The following EXPH5 variants were observed in gnomAD, a reference collection of about 807,000 sequenced individuals.
The protein encoded by EXPH5 is exophilin 5, also known as exophilin-5.
Under a neutral mutation model 41.1 loss-of-function variants are expected in EXPH5, and 42 were observed. The ratio of observed to expected loss-of-function variants is 1.02; its 90% CI spans 0.80 to 1.32. EXPH5 has a LOEUF of 1.32. Ranked by LOEUF, EXPH5 falls within the 40% of genes most tolerant of loss-of-function variation. EXPH5 has a pLI of 0.00. For missense variants in EXPH5, 2,298 were observed against 2,314.5 expected, an observed-to-expected ratio of 0.99 and a Z score of 0.15; for synonymous variants, 798 against 833.5, an observed-to-expected ratio of 0.96 and a Z score of 0.73.
intron 4 of EXPH5, among the ~76,000 whole-genome samples, chr11:108,524,015 G>C (rs1299590796): frequency 1.3e-5 from 2 of 152,172 alleles, no homozygotes; most frequent in African/African-American, 4.8e-5. Context: ...CTCTACATAG[G>C]TTCCAATCCT....
At chr11:108,567,638 T>G (rs1268937263) in intron 1 of EXPH5, among the ~76,000 whole-genome samples, 1 of 152,166 alleles carries the variant, frequency 6.6e-6, no homozygotes, top group Non-Finnish European at 1.5e-5. Context: ...CATACAAACA[T>G]TAGGCCTTCA....
In EXPH5 at chr11:108,513,503, G is replaced by C. The variant is rs1358059881; in HGVS notation, c.2004C>G (p.Ser668Arg). Residue 668 changes from serine (S) to arginine (R), a missense_variant, in exon 6 of 6, where the codon AGC becomes AGG. Physicochemically the swap from Ser to Arg is moderately radical, Grantham distance 110. Transcript: ENST00000265843. ...PNKPASHPMR[S>R]HTEVTVTSSN... ...TGCTGGTCACAGTGACTTCTGTATG[G>C]CTTCTCATTGGATGAGAGGCAGGCT... The C allele has an allele frequency of 1.2e-6, 2 of 1,614,030 alleles. No individual in the cohort carries two copies. The highest frequency in any genetic ancestry group is 2.7e-5 in the African/African-American group (2 of 74,928).
At position 108,555,676 on chromosome 11, in the gene EXPH5, G is replaced by A. The variant is rs545391747; in HGVS notation, c.120-13864C>T. 1.4e-3 allele frequency among the ~76,000 whole-genome samples: 210 copies of A among 152,298 alleles called. 1 individual carries two copies. The highest frequency in any genetic ancestry group is 5.0e-3 in the African/African-American group (206 of 41,540). On this transcript the variant is annotated intron_variant, in intron 1 of 5. Transcript: ENST00000265843. ...CTCGTGGGAGGTGATTAGATCATGG[G>A]GGCGGTTTCCCTATGCTGTTCTCAT...
At chr11:108,589,198 G>A (rs1210533998) in intron 1 of EXPH5, among the ~76,000 whole-genome samples, 2 of 152,154 alleles carry the variant, frequency 1.3e-5, no homozygotes, top group East Asian at 3.9e-4. Context: ...ATTTTCCACT[G>A]TATTCTCAGG....
At chr11:108,529,773 G>A (rs927903945) in intron 3 of EXPH5, among the ~76,000 whole-genome samples, 10 of 151,918 alleles carry the variant, frequency 6.6e-5, no homozygotes, top group African/African-American at 2.4e-4. Context: ...GAACCTGGGA[G>A]GCAGAGGTTG....
upstream of EXPH5, among the ~76,000 whole-genome samples, chr11:108,596,583 T>C (rs2094139140): frequency 1.3e-5 from 2 of 152,162 alleles, no homozygotes; most frequent in Admixed American, 1.3e-4. Flanking sequence ...ATGAGAAATG[T>C]GGGACTCAAG....
At chr11:108,553,088 C>A (rs771452312) in intron 1 of EXPH5, among the ~76,000 whole-genome samples, 1 of 151,768 alleles carries the variant, frequency 6.6e-6, no homozygotes, top group Non-Finnish European at 1.5e-5. Context: ...ATCCCAGCTA[C>A]CTGGGGAGGC....
upstream of EXPH5, among the ~76,000 whole-genome samples, chr11:108,594,016 C>T (rs2094134988): frequency 6.6e-6 from 1 of 152,208 alleles, no homozygotes; most frequent in South Asian, 2.1e-4. Flanking sequence ...GCTCGCAGAA[C>T]TTGAGCTTGA....
At chr11:108,566,317 AGTGGATAATATGGAAAGTAGGTAAG>A (rs896707719) in intron 1 of EXPH5, among the ~76,000 whole-genome samples, 1 of 152,154 alleles carries the variant, frequency 6.6e-6, no homozygotes, top group African/African-American at 2.4e-5. Context: ...CCAATGGATG[AGTGGATAATATGGAAAGTAGGTAAG>A]GTGTGCATGG....
At chr11:108,536,603 G>A (rs528853982) in intron 3 of EXPH5, among the ~76,000 whole-genome samples, 47 of 152,226 alleles carry the variant, frequency 3.1e-4, no homozygotes, top group Admixed American at 3.3e-4. Context: ...AAGTCTCTGC[G>A]TTCCCATGGC....
At chr11:108,526,046 C>T (rs2093796476) in intron 4 of EXPH5, among the ~76,000 whole-genome samples, 1 of 151,448 alleles carries the variant, frequency 6.6e-6, no homozygotes, top group African/African-American at 2.4e-5. Flanking sequence ...TCCTGATTAG[C>T]TGGTACTACA....
At chr11:108,598,505 C>T (rs1241097228), upstream of EXPH5, among the ~76,000 whole-genome samples, 1 of 143,110 alleles carries the variant, frequency 7.0e-6, no homozygotes, top group Non-Finnish European at 1.5e-5. Context: ...AAAGATTTAC[C>T]ACGTGTGATA....
chr11:108,546,961 C>T (rs1004757577), intron 1 of EXPH5, among the ~76,000 whole-genome samples: 1 of 151,812 alleles, frequency 6.6e-6, no homozygotes, highest in Non-Finnish European at 1.5e-5. Context: ...TGCCACCACG[C>T]CCAGCTAATT....
intron 3 of EXPH5, among the ~76,000 whole-genome samples, chr11:108,532,444 C>A (rs1328791611): frequency 1.5e-5 from 2 of 132,492 alleles, no homozygotes; most frequent in African/African-American, 2.9e-5. Flanking sequence ...TGAACTCCTG[C>A]GCTCAAGTGA....
At chr11:108,534,913 T>C (rs959089031) in intron 3 of EXPH5, among the ~76,000 whole-genome samples, 5 of 152,242 alleles carry the variant, frequency 3.3e-5, no homozygotes, top group African/African-American at 1.2e-4. Context: ...GCGTGCTGCC[T>C]GCCTGACCTA....
At chr11:108,515,461 A>G (rs1298148418) in intron 5 of EXPH5, among the ~76,000 whole-genome samples, 1 of 151,890 alleles carries the variant, frequency 6.6e-6, no homozygotes, top group Non-Finnish European at 1.5e-5. Context: ...ACTTAGTTGG[A>G]TATATAATAT....
chr11:108,531,276 T>A (rs2093836023), intron 3 of EXPH5, among the ~76,000 whole-genome samples: 1 of 152,138 alleles, frequency 6.6e-6, no homozygotes, highest in Admixed American at 6.6e-5. Flanking sequence ...CCTAAAAATC[T>A]TACAATAAGG....
intron 1 of EXPH5, among the ~76,000 whole-genome samples, chr11:108,581,324 T>A (rs76100105): frequency 0.25 from 37,539 of 151,102 alleles, 5,172 homozygotes; most frequent in South Asian, 0.37. Context: ...AAAAAATATA[T>A]ATATATGTAT....
the EXPH5 span, among the ~76,000 whole-genome samples, chr11:108,599,211 C>T: frequency 6.6e-6 from 1 of 151,790 alleles, no homozygotes; most frequent in East Asian, 1.9e-4. Flanking sequence ...CACCTCACAT[C>T]GTATATGACA....
Sources: gnomAD v4.1 joint callset for allele counts (sites outside exome capture counted in the v4.1 genomes callset) on GRCh38, gnomAD v4.1.1 for gene constraint, MANE v1.5 for transcripts, NCBI Gene and HGNC (gene_info 2026-07-23, HGNC 2026-07-21) for gene names.